SCAI: variants seen among roughly 807,000 people sequenced by gnomAD.
SCAI encodes protein SCAI.
In SCAI, 24 loss-of-function variants were observed where a neutral mutation model predicts 92.2. The ratio of observed to expected loss-of-function variants is 0.26; its 90% CI spans 0.19 to 0.37. The LOEUF (loss-of-function observed/expected upper bound fraction) is 0.37, where lower values mean the gene tolerates loss of function less well. Among genes scored for constraint, SCAI ranks in the 10% least tolerant of loss-of-function variants. The probability of loss-of-function intolerance (pLI) is 1.00; values close to 1 mark genes in which losing one functional copy is unlikely to be tolerated. For synonymous variants in SCAI, 261 were observed against 258.6 expected, an observed-to-expected ratio of 1.01 and a Z score of -0.09; for missense variants, 450 against 736.2, an observed-to-expected ratio of 0.61 and a Z score of 4.50.
intron 3 of SCAI, among the ~76,000 whole-genome samples, chr9:125,049,154 A>C (rs192342553): frequency 1.3e-5 from 2 of 152,086 alleles, no homozygotes; most frequent in East Asian, 3.9e-4. Context: ...ACACACTCAC[A>C]CAATATATAC....
intron 3 of SCAI, among the ~76,000 whole-genome samples, chr9:125,049,217 G>A (rs1368041599): frequency 6.6e-6 from 1 of 151,948 alleles, no homozygotes; most frequent in Admixed American, 6.6e-5. Context: ...GGCCTCCCAA[G>A]CCTTCTTTGG....
intron 9 of SCAI, among the ~76,000 whole-genome samples, chr9:125,005,338 G>A (rs912646089): frequency 1.3e-5 from 2 of 151,892 alleles, no homozygotes; most frequent in Admixed American, 6.6e-5. Flanking sequence ...TTTAATATAC[G>A]TGTGTGTGTA....
intron 2 of SCAI, among the ~76,000 whole-genome samples, chr9:125,068,118 T>A (rs928797024): frequency 6.6e-6 from 1 of 152,210 alleles, no homozygotes; most frequent in African/African-American, 2.4e-5. Context: ...AAAGCCCGAG[T>A]ATTTCTGTTG....
At chr9:124,960,306 G>A (rs1831412831) in intron 17 of SCAI, among the ~76,000 whole-genome samples, 1 of 152,132 alleles carries the variant, frequency 6.6e-6, no homozygotes. Flanking sequence ...ATAATTCACT[G>A]TAACATGGAA....
chr9:125,049,880 G>A (rs1833522893), intron 3 of SCAI, among the ~76,000 whole-genome samples: 1 of 152,166 alleles, frequency 6.6e-6, no homozygotes, highest in Non-Finnish European at 1.5e-5. Context: ...CACAACAGGG[G>A]AGGTTTCTGA....
intron 17 of SCAI, among the ~76,000 whole-genome samples, chr9:124,962,173 G>GT (rs1289760273): frequency 1.7e-5 from 2 of 118,552 alleles, no homozygotes; most frequent in South Asian, 3.0e-4. Flanking sequence ...TTTTTTTTGC[G>GT]GGGGGGGATG....
intron 2 of SCAI, among the ~76,000 whole-genome samples, chr9:125,070,297 C>T (rs1301994048): frequency 6.6e-6 from 1 of 151,902 alleles, no homozygotes; most frequent in Non-Finnish European, 1.5e-5. Flanking sequence ...AATGACAGAG[C>T]TCTAAAAGCT....
chr9:125,132,321 C>T (rs538305754), intron 2 of SCAI, among the ~76,000 whole-genome samples: 1 of 152,076 alleles, frequency 6.6e-6, no homozygotes, highest in Admixed American at 6.6e-5. Flanking sequence ...ATCACGTTAG[C>T]CAGGCTGGTC....
intron 2 of SCAI, among the ~76,000 whole-genome samples, chr9:125,088,299 T>C (rs1272752893): frequency 6.6e-6 from 1 of 152,098 alleles, no homozygotes; most frequent in Non-Finnish European, 1.5e-5. Context: ...TCATGTCGAA[T>C]TGTAATCCCC....
At chr9:124,974,474 A>T (rs1831719107) in intron 15 of SCAI, among the ~76,000 whole-genome samples, 1 of 152,006 alleles carries the variant, frequency 6.6e-6, no homozygotes. Context: ...AAATTGAATA[A>T]ATGAAGTAAC....
rs563193467 is a variant in SCAI at position 124,951,500 on chromosome 9, T to G, written c.*1307A>C. The G allele has an allele frequency of 2.6e-5, 4 of 152,102 alleles. No homozygotes were observed. The highest frequency in any genetic ancestry group is 4.4e-5 in the Non-Finnish European group (3 of 68,024). 9.4% of individuals were successfully genotyped at this position (152,102 alleles called of 1,614,324 possible). On this transcript the variant is annotated 3_prime_UTR_variant, in exon 18 of 18. Transcript: ENST00000336505. ...AACCTGGGCAACAAAAGCAAGACTC[T>G]GTTTCAAAAAAAATAAATAAATTTA...
At chr9:125,012,172 C>A (rs887597478) in intron 9 of SCAI, among the ~76,000 whole-genome samples, 4 of 152,106 alleles carry the variant, frequency 2.6e-5, no homozygotes, top group Non-Finnish European at 4.4e-5. Flanking sequence ...ATCAAATTCA[C>A]ACATAACAAT....
chr9:124,972,890 G>A (rs1564362280), intron 15 of SCAI, among the ~76,000 whole-genome samples: 1 of 152,054 alleles, frequency 6.6e-6, no homozygotes, highest in Non-Finnish European at 1.5e-5. Context: ...TTTCATCCAT[G>A]CCCCTCCCAA....
At chr9:125,010,203 G>A (rs918422820) in intron 9 of SCAI, among the ~76,000 whole-genome samples, 15 of 152,228 alleles carry the variant, frequency 9.9e-5, no homozygotes, top group Admixed American at 6.5e-4. Flanking sequence ...GCAGCGCACC[G>A]TGCGCGAGCC....
At chr9:125,140,491 G>C (rs1396393548) in intron 2 of SCAI, among the ~76,000 whole-genome samples, 5 of 152,140 alleles carry the variant, frequency 3.3e-5, no homozygotes, top group Non-Finnish European at 7.4e-5. Context: ...TCACATCACT[G>C]CACTCCAGTA....
chr9:125,115,096 G>A (rs1449738494), intron 2 of SCAI, among the ~76,000 whole-genome samples: 2 of 152,034 alleles, frequency 1.3e-5, no homozygotes, highest in East Asian at 3.9e-4. Flanking sequence ...GAAGCAGCCG[G>A]GCGCGGTGGT....
At chr9:124,984,916 C>T (rs914070523) in intron 14 of SCAI, among the ~76,000 whole-genome samples, 2 of 152,142 alleles carry the variant, frequency 1.3e-5, no homozygotes, top group African/African-American at 2.4e-5. Context: ...CAGAGAGATA[C>T]AGAAAAATCT....
chr9:125,031,196 A>G (rs111925152), intron 3 of SCAI, among the ~76,000 whole-genome samples: 5 of 152,190 alleles, frequency 3.3e-5, no homozygotes, highest in Non-Finnish European at 7.3e-5. Context: ...CTACAGGTAC[A>G]TGGAGCTAAC....
intron 17 of SCAI, among the ~76,000 whole-genome samples, chr9:124,966,664 T>G (rs1250761323): frequency 3.3e-5 from 5 of 152,176 alleles, no homozygotes; most frequent in Non-Finnish European, 5.9e-5. Context: ...TTATTTTTTT[T>G]CTCACTGGCA....
Sources: allele counts gnomAD v4.1 joint callset (sites outside exome capture counted in the v4.1 genomes callset), GRCh38; gene constraint gnomAD v4.1.1; transcripts MANE v1.5; gene names NCBI Gene and HGNC (gene_info 2026-07-23, HGNC 2026-07-21).